IL17RA: variants seen among roughly 807,000 people sequenced by gnomAD.
IL17RA encodes the protein interleukin-17 receptor A.
Under a neutral mutation model 50.4 loss-of-function variants are expected in IL17RA, and 34 were observed. That is an observed-to-expected ratio of 0.67 (90% confidence interval 0.51 to 0.90). IL17RA has a LOEUF of 0.90. Among genes scored for constraint, IL17RA ranks in the 40% least tolerant of loss-of-function variants. IL17RA has a pLI of 0.00. For missense variants in IL17RA, 1,276 were observed against 1,169.8 expected, an observed-to-expected ratio of 1.09 and a Z score of -1.32; for synonymous variants, 585 against 510.4, an observed-to-expected ratio of 1.15 and a Z score of -1.97.
At position 17,109,056 on chromosome 22, in the gene IL17RA, C is replaced by T; in HGVS notation, c.1837C>T (p.Pro613Ser). 6.3e-7 allele frequency: 1 copy of T among 1,588,598 alleles called. No homozygotes were observed. Among genetic ancestry groups the T allele is most frequent in the Non-Finnish European group, 8.5e-7 (1 of 1,175,396 alleles). Residue 613 changes from proline (P) to serine (S), a missense_variant, in exon 13 of 13, where the codon CCG (proline) becomes TCG (serine). By Grantham distance (74) the Pro-to-Ser change is moderately conservative. Transcript: ENST00000319363. ...GGTGTTTGAGGAGCCACTGCTGCCT[C>T]CGGGAACCGGCATCGTGAAGCGGGC... is the stretch of plus-strand genomic sequence containing the variant. ...EEVFEEPLLP[P>S]GTGIVKRAPL...
At chr22:17,089,022 C>T (rs2061338488) in intron 1 of IL17RA, among the ~76,000 whole-genome samples, 1 of 151,960 alleles carries the variant, frequency 6.6e-6, no homozygotes, top group African/African-American at 2.4e-5. Flanking sequence ...TCTCGAATTC[C>T]TGACTTCAAA....
In IL17RA at chr22:17,110,199, G is replaced by A. The variant is rs2895332; in HGVS notation, c.*379G>A. 0.7 allele frequency: 228,226 copies of A among 326,564 alleles called. 80,270 individuals carry two copies. The highest frequency in any genetic ancestry group is 0.82 in the African/African-American group (37,520 of 45,994). The allele number at this position is 326,564 out of a possible 1,614,324, so 20.2% of individuals were successfully genotyped here. ...ACTTAACCGCTAGTGCCGAGGACAC[G>A]TTAAACGAACAGGATGGGCCGGGCA... On this transcript the variant is annotated 3_prime_UTR_variant, in exon 13 of 13. Coordinates refer to ENST00000319363, the MANE Select transcript of IL17RA (RefSeq NM_014339.7).
intron 9 of IL17RA, 71 bp downstream of exon 9, chr22:17,104,881 G>T (rs1338783641): frequency 1.4e-6 from 2 of 1,420,620 alleles, no homozygotes; most frequent in Non-Finnish European, 2.0e-6. Context: ...CCTGTGCTGC[G>T]TCCTTACCTG....
At chr22:17,098,975 T>C (rs2061379768) in intron 4 of IL17RA, 88 bp downstream of exon 4, 1 of 1,074,456 alleles carries the variant, frequency 9.3e-7, no homozygotes, top group Admixed American at 1.8e-5. Context: ...TGATTTAGAG[T>C]GGGGGAGACC....
At chr22:17,108,223 G>T in intron 12 of IL17RA, 84 bp from the exon 13 acceptor site, 1 of 1,418,266 alleles carries the variant, frequency 7.1e-7, no homozygotes, top group Non-Finnish European at 9.9e-7. Flanking sequence ...CTGTGTCCTG[G>T]TCCAGGCCCC....
chr22:17,106,442 T>C (rs1416695531), intron 11 of IL17RA, among the ~76,000 whole-genome samples: 1 of 152,216 alleles, frequency 6.6e-6, no homozygotes, highest in African/African-American at 2.4e-5. Flanking sequence ...TAATACACCA[T>C]GGATTCACTT....
chr22:17,088,945 A>T (rs2061338243), intron 1 of IL17RA, among the ~76,000 whole-genome samples: 1 of 151,458 alleles, frequency 6.6e-6, no homozygotes, highest in South Asian at 2.1e-4. Flanking sequence ...ACAGGTGCGC[A>T]CCACCACTCC....
rs1248895848 is a variant in IL17RA at position 17,109,362 on chromosome 22, A to G, written c.2143A>G (p.Ser715Gly). The G allele has an allele frequency of 1.9e-6, 3 of 1,607,682 alleles. No homozygotes were observed. Among genetic ancestry groups the G allele is most frequent in the South Asian group, 2.2e-5 (2 of 90,406 alleles). The part of the protein sequence containing the change: ...LLGSPGAGRN[S>G]VLFLPVDPED... ...GGGCAGCCCGGGCGCTGGGCGAAAT[A>G]GCGTCCTCTTCCTCCCCGTGGACCC... is the stretch of plus-strand genomic sequence containing the variant. The change falls in exon 13 of 13, where the codon AGC (serine) becomes GGC (glycine). Residue 715 changes from serine to glycine, a missense_variant. Physicochemically the swap from Ser to Gly is moderately conservative, Grantham distance 56. Coordinates refer to ENST00000319363, the MANE Select transcript of IL17RA (RefSeq NM_014339.7).
In IL17RA at chr22:17,108,937, G is replaced by T; in HGVS notation, c.1718G>T (p.Arg573Met). ...AGGCAGCTCCGCGCCGCCCTGGACA[G>T]GTTCCGGGACTGGCAGGTCCGCTGT... ...GGRQLRAALD[R>M]FRDWQVRCPD... The change falls in exon 13 of 13, where the codon AGG becomes ATG. Residue 573 changes from arginine (R) to methionine (M), a missense_variant. By Grantham distance (91) the Arg-to-Met change is moderately conservative. Transcript: ENST00000319363. 6.2e-7 allele frequency: 1 copy of T among 1,611,490 alleles called. No homozygotes were observed. The highest frequency in any genetic ancestry group is 1.7e-5 in the Admixed American group (1 of 59,952).
At position 17,099,038 on chromosome 22, in the gene IL17RA, G is replaced by A. The variant is rs563520852; in HGVS notation, c.423+151G>A. The A allele has an allele frequency of 2.9e-5, 21 of 727,722 alleles. No homozygotes were observed. The South Asian group carries it at 3.0e-4, about 10-fold the overall frequency. 45.1% of individuals were successfully genotyped at this position (727,722 alleles called of 1,614,324 possible). ...TCAGAATGGCAGCCTGAGATGGGCA[G>A]AAGTCAAAAGAGAAGTGGTGTGGCC... On this transcript the variant is annotated intron_variant, in intron 4 of 12. Coordinates refer to ENST00000319363, the MANE Select transcript of IL17RA (RefSeq NM_014339.7).
chr22:17,094,216 C>G (rs1175314496), intron 1 of IL17RA, among the ~76,000 whole-genome samples: 2 of 152,138 alleles, frequency 1.3e-5, no homozygotes, highest in East Asian at 3.9e-4. Flanking sequence ...AAACTCCTGA[C>G]TTCAGGTGAT....
rs756514784 is a variant in IL17RA, at chr22:17,104,828, G to A, written c.931+18G>A. 18 of 1,612,486 alleles carry A rather than the reference G, an allele frequency of 1.1e-5. No homozygotes were observed. The highest frequency in any genetic ancestry group is 3.3e-5 in the Admixed American group (2 of 59,984). On this transcript the variant is annotated intron_variant, in intron 9 of 12. Coordinates refer to ENST00000319363, the MANE Select transcript of IL17RA (RefSeq NM_014339.7). ...CACTCCAGGTAGGGGACATGCGGCTGTCCTAGGCCATACTGGGAGAACAAG... is the reference window on the plus strand; with the variant it reads ...CACTCCAGGTAGGGGACATGCGGCTATCCTAGGCCATACTGGGAGAACAAG...
intron 11 of IL17RA, among the ~76,000 whole-genome samples, chr22:17,106,235 C>A (rs1393198619): frequency 6.6e-6 from 1 of 152,102 alleles, no homozygotes; most frequent in Non-Finnish European, 1.5e-5. Flanking sequence ...GTAAAGTTTC[C>A]CTGTGTCAGG....
At chr22:17,101,375 T>A (rs968908849) in intron 5 of IL17RA, among the ~76,000 whole-genome samples, 1 of 152,186 alleles carries the variant, frequency 6.6e-6, no homozygotes, top group African/African-American at 2.4e-5. Context: ...GCACACACAC[T>A]CTGTGCTTAC....
chr22:17,085,045 G>T lies in IL17RA; in HGVS notation c.-47G>T, dbSNP rs1383198742. The T allele has an allele frequency of 7.7e-7, 1 of 1,292,350 alleles. No homozygotes were observed. The highest frequency in any genetic ancestry group is 9.8e-7 in the Non-Finnish European group (1 of 1,019,564). 80.1% of individuals were successfully genotyped at this position (1,292,350 alleles called of 1,614,324 possible). Reference sequence around the variant, plus strand: ...AAAGAAAGCCTCAGAACGTTCGTTCGCTGCGTCCCCAGCCGGGGCCGAGCC... The same window carrying T: ...AAAGAAAGCCTCAGAACGTTCGTTCTCTGCGTCCCCAGCCGGGGCCGAGCC... On this transcript the variant is annotated 5_prime_UTR_variant, in exon 1 of 13. Coordinates refer to ENST00000319363, the MANE Select transcript of IL17RA (RefSeq NM_014339.7).
At position 17,107,694 on chromosome 22, in the gene IL17RA, G is replaced by T. The variant is rs574714149; in HGVS notation, c.1046-33G>T. The T allele has an allele frequency of 8.1e-6, 13 of 1,597,618 alleles. No individual in the cohort carries two copies. The South Asian group carries it at 9.9e-5, about 12-fold the overall frequency. ...GCTGGTTTCTATTTCTCTTCCCAAAGAACCACTCCAGTGTATTTCTTTTCC... is the reference window on the plus strand; with the variant it reads ...GCTGGTTTCTATTTCTCTTCCCAAATAACCACTCCAGTGTATTTCTTTTCC... On this transcript the variant is annotated intron_variant, in intron 11 of 12. Coordinates refer to ENST00000319363, the MANE Select transcript of IL17RA (RefSeq NM_014339.7).
chr22:17,089,702 G>A (rs988871347), intron 1 of IL17RA, among the ~76,000 whole-genome samples: 3 of 152,094 alleles, frequency 2.0e-5, no homozygotes, highest in African/African-American at 7.2e-5. Context: ...GCAAAACCCT[G>A]TCTCTACAAA....
At chr22:17,101,901 TG>T in intron 5 of IL17RA, 94 bp from the exon 6 acceptor site, 1 of 1,508,296 alleles carries the variant, frequency 6.6e-7, no homozygotes, top group Non-Finnish European at 9.2e-7. Flanking sequence ...AGGCTCCCAG[TG>T]GGGAAAAGAT....
chr22:17,105,893 C>G lies in IL17RA; in HGVS notation c.984C>G (p.Ile328Met). 6.2e-7 allele frequency: 1 copy of G among 1,614,230 alleles called. No homozygotes were observed. The highest frequency in any genetic ancestry group is 8.5e-7 in the Non-Finnish European group (1 of 1,180,040). ...GGGTGTACTGGTTCATCACGGGCATCTCCATCCTGCTGGTGGGCTCCGTCA... is the reference window on the plus strand; with the variant it reads ...GGGTGTACTGGTTCATCACGGGCATGTCCATCCTGCTGGTGGGCTCCGTCA... ...PLWVYWFITG[I>M]SILLVGSVIL... Residue 328 changes from isoleucine (I) to methionine (M), a missense_variant, in exon 11 of 13, where the codon ATC (isoleucine) becomes ATG (methionine). Physicochemically the swap from Ile to Met is conservative, Grantham distance 10. Transcript: ENST00000319363.
Sources: gnomAD v4.1 joint callset for allele counts (sites outside exome capture counted in the v4.1 genomes callset) on GRCh38, gnomAD v4.1.1 for gene constraint, MANE v1.5 for transcripts, NCBI Gene and HGNC (gene_info 2026-07-23, HGNC 2026-07-21) for gene names.